The following IFNA4 variants were observed in gnomAD, a reference collection of about 807,000 sequenced individuals.
The protein encoded by IFNA4 is interferon alpha 4, also known as interferon alpha-4.
For missense variants in IFNA4, 225 were observed against 214.9 expected (o/e 1.05, Z -0.29); for synonymous variants, 84 against 86.0 (o/e 0.98, Z 0.13).
exon 1 of IFNA4, chr9:21,186,920 A>G (rs1448609458): frequency 1.9e-6 from 3 of 1,609,140 alleles, no homozygotes; most frequent in South Asian, 1.1e-5. Context: ...GTGTGAGATA[A>G]TGTATTAGTC....
Position 21,187,344 on chromosome 9 carries a change from T to C in IFNA4, c.188A>G (p.Glu63Gly), listed in dbSNP as rs1587898798. ...GAACTGGTGGCCATCAAACTCCTCCTCGGGGAATCCGAAATCATGTCTGTC... is the reference window on the plus strand; with the variant it reads ...GAACTGGTGGCCATCAAACTCCTCCCCGGGGAATCCGAAATCATGTCTGTC... Residue 63 changes from glutamate (E) to glycine (G), a missense_variant, in exon 1 of 1, where the codon GAG becomes GGG. Coordinates refer to ENST00000421715, the Ensembl canonical transcript of IFNA4. 5 of 1,614,134 alleles carry C rather than the reference T, an allele frequency of 3.1e-6. No homozygotes were observed. In the East Asian group the frequency reaches 8.9e-5, roughly 29 times the overall value.
exon 1 of IFNA4, chr9:21,186,948 T>C (rs761660861): frequency 1.2e-6 from 2 of 1,613,680 alleles, no homozygotes; most frequent in Non-Finnish European, 1.7e-6. Context: ...ATCATTTCCA[T>C]GTTGAACCAG....
chr9:21,187,189 G>C (rs529469350), exon 1 of IFNA4: 2 of 1,613,294 alleles, frequency 1.2e-6, no homozygotes, highest in African/African-American at 1.3e-5. Flanking sequence ...TCATTCAGTT[G>C]CTGGTAAAGT....
exon 1 of IFNA4, chr9:21,187,213 T>C (rs530668048): frequency 6.2e-7 from 1 of 1,612,658 alleles, no homozygotes; most frequent in East Asian, 2.2e-5. Flanking sequence ...GTGGAAAATT[T>C]TTCTAGGAGG....
exon 1 of IFNA4, chr9:21,186,979 A>T (rs1164710128): frequency 6.2e-7 from 1 of 1,613,864 alleles, no homozygotes; most frequent in Non-Finnish European, 8.5e-7. Context: ...TTCCTCCTTA[A>T]TCTTTTTTGC....
At chr9:21,187,011 G>T (rs1817913585) in exon 1 of IFNA4, 2 of 1,614,076 alleles carry the variant, frequency 1.2e-6, no homozygotes, top group Non-Finnish European at 1.7e-6. Flanking sequence ...AAACGAGAGG[G>T]ATCTCATGAT....
exon 1 of IFNA4, chr9:21,187,418 C>T (rs1817924183): frequency 1.9e-6 from 3 of 1,614,166 alleles, no homozygotes; most frequent in Non-Finnish European, 2.5e-6. Flanking sequence ...CCAGGAGTAT[C>T]AAGGCCCTCC....
In IFNA4 at chr9:21,186,777, T is replaced by G. The variant is rs113398345; in HGVS notation, c.*185A>C. The G allele has an allele frequency of 5.4e-5, 36 of 670,138 alleles. 2 individuals are homozygous for G. Among genetic ancestry groups the G allele is most frequent in the South Asian group, 2.9e-4 (9 of 31,174 alleles). The allele number at this position is 670,138 out of a possible 1,614,324, so 41.5% of individuals were successfully genotyped here. A position where few individuals can be genotyped will look rare whatever the true frequency, so the allele number is the denominator to read the frequency against. The stretch of plus-strand genomic sequence containing the variant: ...AATAGATGAACAGAGACATCAGCAT[T>G]GTCATCTGTAAAGGACTAGTGCCTG... On this transcript the variant is annotated 3_prime_UTR_variant, in exon 1 of 1. Transcript: ENST00000421715.
At chr9:21,186,869 G>C in exon 1 of IFNA4, 2 of 1,573,242 alleles carry the variant, frequency 1.3e-6, no homozygotes, top group Admixed American at 3.9e-5. Flanking sequence ...AACTCGTGGT[G>C]GTTATAGAAG....
In IFNA4 at chr9:21,187,205, G is replaced by C. The variant is rs140503499; in HGVS notation, c.327C>G (p.Ser109=). The C allele has an allele frequency of 2.6e-4, 418 of 1,612,844 alleles. 2 individuals are homozygous for C. The African/African-American group carries it at 5.1e-3, about 20-fold the overall frequency. ...CATTCAGTTGCTGGTAAAGTTCAGTGGAAAATTTTTCTAGGAGGCTCTGTT... is the reference window on the plus strand; with the variant it reads ...CATTCAGTTGCTGGTAAAGTTCAGTCGAAAATTTTTCTAGGAGGCTCTGTT... Residue 109 remains serine, a synonymous_variant, in exon 1 of 1, where the codon TCC becomes TCG. Coordinates refer to ENST00000421715, the Ensembl canonical transcript of IFNA4.
At chr9:21,187,100 C>G (rs1422210229) in exon 1 of IFNA4, 1 of 1,614,000 alleles carries the variant, frequency 6.2e-7, no homozygotes, top group African/African-American at 1.3e-5. Context: ...GGAAGTATTT[C>G]CTCACAGCCA....
At chr9:21,186,877 A>G (rs1817910201) in exon 1 of IFNA4, 2 of 1,582,542 alleles carry the variant, frequency 1.3e-6, no homozygotes, top group Admixed American at 1.9e-5. Context: ...GTGGTTATAG[A>G]AGTGAGTCTT....
exon 1 of IFNA4, chr9:21,187,248 T>A: frequency 6.2e-7 from 1 of 1,610,532 alleles, no homozygotes; most frequent in Non-Finnish European, 8.5e-7. Context: ...AGCAGATGAG[T>A]CCTCTGTGCT....
Sources: allele counts gnomAD v4.1 joint callset, GRCh38; gene constraint gnomAD v4.1.1; transcripts MANE v1.5; gene names NCBI Gene and HGNC (gene_info 2026-07-23, HGNC 2026-07-21).